The following KCNIP2 variants were observed in gnomAD, a reference collection of about 807,000 sequenced individuals.
KCNIP2 encodes potassium voltage-gated channel interacting protein 2.
A neutral mutation model predicts 39.0 loss-of-function variants in KCNIP2; 19 were observed. The ratio of observed to expected loss-of-function variants is 0.49; its 90% CI spans 0.34 to 0.71. KCNIP2 has a LOEUF of 0.71. Ranked by LOEUF, KCNIP2 falls within the 30% of genes least tolerant of loss-of-function variation. KCNIP2 has a pLI of 0.01. For missense variants in KCNIP2, 261 were observed against 346.0 expected (o/e 0.75, Z 1.95); for synonymous variants, 111 against 131.2 (o/e 0.85, Z 1.05).
At position 101,830,383 on chromosome 10, in the gene KCNIP2, G is replaced by A. The variant is rs181524788; in HGVS notation, c.170-486C>T. The A allele has an allele frequency of 3.1e-5, 40 of 1,282,176 alleles. 1 individual carries two copies. The African/African-American group carries it at 4.6e-4, about 15-fold the overall frequency. The allele number at this position is 1,282,176 out of a possible 1,614,324, so 79.4% of individuals were successfully genotyped here. A position where few individuals can be genotyped will look rare whatever the true frequency, so the allele number is the denominator to read the frequency against. Reference sequence around the variant, plus strand: ...AACACACATCAGGGGTCCAAAACACGGTGGGGAAGGGGGCGGCCGCACGGA... The same window carrying A: ...AACACACATCAGGGGTCCAAAACACAGTGGGGAAGGGGGCGGCCGCACGGA... On this transcript the variant is annotated intron_variant, in intron 2 of 9. Coordinates refer to ENST00000356640, the MANE Select transcript of KCNIP2 (RefSeq NM_173191.3).
Position 101,827,157 on chromosome 10 carries a change from C to T in KCNIP2, c.*196G>A. Reference sequence around the variant, plus strand: ...AGCTGGTGGGAGTTGGGAACACCCCCCGAGATGCACTCTGCCCACTCTCTG... The same window carrying T: ...AGCTGGTGGGAGTTGGGAACACCCCTCGAGATGCACTCTGCCCACTCTCTG... On this transcript the variant is annotated 3_prime_UTR_variant, in exon 10 of 10. Coordinates refer to ENST00000356640, the MANE Select transcript of KCNIP2 (RefSeq NM_173191.3). 3 of 1,269,690 alleles carry T rather than the reference C, an allele frequency of 2.4e-6. No individual in the cohort carries two copies. The highest frequency in any genetic ancestry group is 1.5e-5 in the African/African-American group (1 of 66,388). 78.7% of individuals were successfully genotyped at this position (1,269,690 alleles called of 1,614,324 possible). A position where few individuals can be genotyped will look rare whatever the true frequency, so the allele number is the denominator to read the frequency against.
At chr10:101,841,097 TTTTTG>T (rs944638815) in intron 1 of KCNIP2, among the ~76,000 whole-genome samples, 14 of 152,084 alleles carry the variant, frequency 9.2e-5, no homozygotes, top group Non-Finnish European at 1.8e-4. Flanking sequence ...CTCGGACTGT[TTTTTG>T]TTTTGTTTTG....
At chr10:101,839,809 G>T in intron 1 of KCNIP2, 1 of 1,610,456 alleles carries the variant, frequency 6.2e-7, no homozygotes, top group South Asian at 1.1e-5. Context: ...CTGCCCCAGC[G>T]GGCTCCGGCA....
At position 101,832,479 on chromosome 10, in the gene KCNIP2, C is replaced by A. The variant is rs558154846; in HGVS notation, c.74-1312G>T. On this transcript the variant is annotated intron_variant, in intron 1 of 9. Transcript: ENST00000356640. The stretch of plus-strand genomic sequence containing the variant: ...TTAAAGGTTACTCCCCCTCCATATA[C>A]CCCACCCTCCCAATCCAGGCTTCAC... Among the ~76,000 whole-genome samples, 21 of 152,236 alleles carry A rather than the reference C, an allele frequency of 1.4e-4. 1 individual carries two copies. In the East Asian group the frequency reaches 3.9e-3, roughly 28 times the overall value.
In KCNIP2 at chr10:101,827,743, G is replaced by A; in HGVS notation, c.711C>T (p.Asp237=). The A allele has an allele frequency of 6.2e-7, 1 of 1,612,990 alleles. No homozygotes were observed. Among genetic ancestry groups the A allele is most frequent in the East Asian group, 2.2e-5 (1 of 44,874 alleles). Residue 237 remains aspartate (D), a synonymous_variant, in exon 9 of 10, where the codon GAC becomes GAT. Coordinates refer to ENST00000356640, the MANE Select transcript of KCNIP2 (RefSeq NM_173191.3). ...EHVESFFQKM[D]RNKDGVVTIE... ...TGGTCACCACACCATCCTTGTTTCT[G>A]TCCATCTTCTGCAAGAAGGTGGTCA...
chr10:101,830,172 AGTATGATCC>A (rs1311189033), intron 2 of KCNIP2, among the ~76,000 whole-genome samples: 7 of 152,216 alleles, frequency 4.6e-5, no homozygotes, highest in African/African-American at 1.7e-4. Flanking sequence ...TGCAAAATGC[AGTATGATCC>A]TATGAGGTGG....
chr10:101,832,322 G>A (rs531236068), intron 1 of KCNIP2, among the ~76,000 whole-genome samples: 165 of 151,748 alleles, frequency 1.1e-3, no homozygotes, highest in Non-Finnish European at 1.8e-3. Flanking sequence ...GTGTGTGTGT[G>A]TGTGTGTGTG....
chr10:101,839,448 G>GC (rs2066253827), intron 1 of KCNIP2, among the ~76,000 whole-genome samples: 1 of 152,098 alleles, frequency 6.6e-6, no homozygotes, highest in Non-Finnish European at 1.5e-5. Flanking sequence ...GAGGCGCCCT[G>GC]CCCCTCAGTT....
At chr10:101,841,061 GGGA>G (rs1448288862) in intron 1 of KCNIP2, among the ~76,000 whole-genome samples, 1 of 152,260 alleles carries the variant, frequency 6.6e-6, no homozygotes, top group Non-Finnish European at 1.5e-5. Context: ...GAAGACCTGA[GGGA>G]TTAGACAGGG....
rs2065768067 is a variant in KCNIP2, at chr10:101,827,056, G to A, written c.*297C>T. The A allele has an allele frequency of 2.8e-6, 1 of 363,572 alleles. No individual in the cohort carries two copies. The allele number at this position is 363,572 out of a possible 1,614,324, so 22.5% of individuals were successfully genotyped here. On this transcript the variant is annotated 3_prime_UTR_variant, in exon 10 of 10. Coordinates refer to ENST00000356640, the MANE Select transcript of KCNIP2 (RefSeq NM_173191.3). The stretch of plus-strand genomic sequence containing the variant: ...TGTCTAGTGTGTTTCTAGAGTAGGG[G>A]TAGGAGGTGGGGAACCGCTCAATTC...
intron 3 of KCNIP2, 86 bp from the exon 4 acceptor site, chr10:101,829,285 C>T: frequency 6.9e-7 from 1 of 1,439,322 alleles, no homozygotes; most frequent in African/African-American, 1.4e-5. Context: ...CCCCTCCCCG[C>T]CCCCCGGTCC....
chr10:101,830,436 C>T (rs1299117988), intron 2 of KCNIP2: 1 of 1,293,232 alleles, frequency 7.7e-7, no homozygotes, highest in South Asian at 1.3e-5. Context: ...AGCTAAGCCA[C>T]ATACAGACCC....
intron 2 of KCNIP2, chr10:101,830,448 C>T: frequency 7.7e-7 from 1 of 1,290,554 alleles, no homozygotes; most frequent in Non-Finnish European, 1.0e-6. Flanking sequence ...TACAGACCCT[C>T]ACGGCCGCCT....
At chr10:101,835,553 G>C (rs1392453143) in intron 1 of KCNIP2, among the ~76,000 whole-genome samples, 1 of 152,108 alleles carries the variant, frequency 6.6e-6, no homozygotes, top group Admixed American at 6.5e-5. Flanking sequence ...TGAGCTGATG[G>C]AGAAGCCCAG....
At chr10:101,835,344 A>T (rs950090329) in intron 1 of KCNIP2, among the ~76,000 whole-genome samples, 2 of 152,132 alleles carry the variant, frequency 1.3e-5, no homozygotes, top group Admixed American at 6.5e-5. Context: ...AGGGGGGATA[A>T]GATACAGTAG....
intron 4 of KCNIP2, 31 bp downstream of exon 4, chr10:101,829,044 C>G: frequency 6.2e-7 from 1 of 1,605,640 alleles, no homozygotes; most frequent in Non-Finnish European, 8.5e-7. Flanking sequence ...CTGTCCCACC[C>G]TCGCTGAGTT....
At chr10:101,832,815 A>G (rs954301082) in intron 1 of KCNIP2, among the ~76,000 whole-genome samples, 14 of 152,186 alleles carry the variant, frequency 9.2e-5, no homozygotes, top group Non-Finnish European at 1.9e-4. Flanking sequence ...AAAGGTGAGA[A>G]CAGAATGGCT....
At chr10:101,831,821 A>G (rs1021599226) in intron 1 of KCNIP2, among the ~76,000 whole-genome samples, 1 of 152,218 alleles carries the variant, frequency 6.6e-6, no homozygotes, top group African/African-American at 2.4e-5. Context: ...GTGAGTCTAC[A>G]AAGAACACTA....
Position 101,843,432 on chromosome 10 carries a change from G to T in KCNIP2, c.73+64C>A. 1 of 1,123,698 alleles carries T rather than the reference G, an allele frequency of 8.9e-7. No individual in the cohort carries two copies. Among genetic ancestry groups the T allele is most frequent in the Non-Finnish European group, 1.2e-6 (1 of 817,884 alleles). The allele number at this position is 1,123,698 out of a possible 1,614,324, so 69.6% of individuals were successfully genotyped here. A position where few individuals can be genotyped will look rare whatever the true frequency, so the allele number is the denominator to read the frequency against. On this transcript the variant is annotated intron_variant, in intron 1 of 9. Coordinates refer to ENST00000356640, the MANE Select transcript of KCNIP2 (RefSeq NM_173191.3). The surrounding 1 kb of genome is among the most constrained non-coding windows in gnomAD (Gnocchi z 6.7). ...GTGCGGGCCAGGCCGGGGTCGGAGA[G>T]GCGGAAGGGTCTGGAGGAATGGAAT...
Sources: gnomAD v4.1 joint callset for allele counts (sites outside exome capture counted in the v4.1 genomes callset) on GRCh38, gnomAD v4.1.1 for gene constraint, Gnocchi (gnomAD v3.1) non-coding constraint, MANE v1.5 for transcripts, NCBI Gene and HGNC (gene_info 2026-07-23, HGNC 2026-07-21) for gene names.